The following EMCN variants were observed in gnomAD, a reference collection of about 807,000 sequenced individuals.
EMCN encodes MUC-14.
Under a neutral mutation model 38.4 loss-of-function variants are expected in EMCN, and 37 were observed. The observed-to-expected ratio is 0.96, with a 90% CI of 0.74 to 1.27. The LOEUF (loss-of-function observed/expected upper bound fraction) is 1.27, where lower values mean the gene tolerates loss of function less well. EMCN is among the 50% of genes most tolerant of loss of function. The pLI is 0.00. For missense variants in EMCN, 318 were observed against 302.8 expected (o/e 1.05, Z -0.37); for synonymous variants, 95 against 100.8 (o/e 0.94, Z 0.35).
At chr4:100,465,379 G>T (rs1728286800) in intron 4 of EMCN, 44 bp downstream of exon 4, 1 of 1,116,270 alleles carries the variant, frequency 9.0e-7, no homozygotes, top group Non-Finnish European at 1.3e-6. Context: ...CTAGTTTTAT[G>T]CAACACACTA....
intron 4 of EMCN, among the ~76,000 whole-genome samples, chr4:100,448,172 G>A (rs1727732182): frequency 6.6e-6 from 1 of 152,032 alleles, no homozygotes; most frequent in Admixed American, 6.6e-5. Context: ...ATATAGTCCA[G>A]GAGAGCTTTC....
chr4:100,425,592 C>A (rs1389850427), intron 5 of EMCN, among the ~76,000 whole-genome samples: 1 of 151,938 alleles, frequency 6.6e-6, no homozygotes, highest in African/African-American at 2.4e-5. Flanking sequence ...AGTTCTACAT[C>A]ATGGTATTGT....
intron 1 of EMCN, among the ~76,000 whole-genome samples, chr4:100,489,347 T>C (rs374058979): frequency 6.6e-6 from 1 of 152,206 alleles, no homozygotes; most frequent in Non-Finnish European, 1.5e-5. Flanking sequence ...TATGATCTTA[T>C]GGTAATTCTA....
At chr4:100,501,019 G>A (rs1729337336) in intron 1 of EMCN, among the ~76,000 whole-genome samples, 1 of 151,892 alleles carries the variant, frequency 6.6e-6, no homozygotes, top group South Asian at 2.1e-4. Context: ...TTTTGTGGCT[G>A]TATTTTCAAT....
intron 1 of EMCN, among the ~76,000 whole-genome samples, chr4:100,510,998 C>T (rs1197882144): frequency 6.6e-6 from 1 of 152,166 alleles, no homozygotes; most frequent in Non-Finnish European, 1.5e-5. Flanking sequence ...ATTAAGAAAA[C>T]ATTATTGCTA....
chr4:100,511,303 A>T, intron 1 of EMCN, among the ~76,000 whole-genome samples: 1 of 152,168 alleles, frequency 6.6e-6, no homozygotes, highest in South Asian at 2.1e-4. Flanking sequence ...GATGGAAGTA[A>T]TGTGTGTAAA....
intron 10 of EMCN, among the ~76,000 whole-genome samples, chr4:100,414,348 CTTTTTTT>C (rs5860622): frequency 1.0e-4 from 6 of 59,802 alleles, no homozygotes; most frequent in South Asian, 5.2e-4. Context: ...TGCTTGAGCA[CTTTTTTT>C]TTTTTTTTTT....
intron 1 of EMCN, among the ~76,000 whole-genome samples, chr4:100,481,681 A>G (rs1314338069): frequency 6.6e-6 from 1 of 152,100 alleles, no homozygotes; most frequent in Non-Finnish European, 1.5e-5. Flanking sequence ...CTATGATGTA[A>G]CACTAATTTT....
At chr4:100,405,924 G>C (rs532163832) in intron 11 of EMCN, among the ~76,000 whole-genome samples, 42 of 152,010 alleles carry the variant, frequency 2.8e-4, no homozygotes, top group African/African-American at 1.0e-3. Context: ...TCTGTTCAGG[G>C]TTTCAATTTA....
chr4:100,426,932 G>A (rs972238430), intron 5 of EMCN, among the ~76,000 whole-genome samples: 1 of 151,974 alleles, frequency 6.6e-6, no homozygotes, highest in Non-Finnish European at 1.5e-5. Flanking sequence ...GACTATCTAT[G>A]GGTTTACAAA....
intron 2 of EMCN, among the ~76,000 whole-genome samples, chr4:100,477,316 G>C (rs747273089): frequency 6.6e-6 from 1 of 152,030 alleles, no homozygotes; most frequent in Non-Finnish European, 1.5e-5. Flanking sequence ...TTTATGATAG[G>C]GATATTCAAC....
chr4:100,504,228 G>C (rs1362809776), intron 1 of EMCN, among the ~76,000 whole-genome samples: 1 of 152,156 alleles, frequency 6.6e-6, no homozygotes, highest in Non-Finnish European at 1.5e-5. Flanking sequence ...CTTACAGTTG[G>C]AAGGCATAAC....
intron 5 of EMCN, among the ~76,000 whole-genome samples, chr4:100,426,697 G>A (rs1020062694): frequency 3.9e-5 from 6 of 152,130 alleles, no homozygotes; most frequent in Non-Finnish European, 8.8e-5. Context: ...TGGAAGACTT[G>A]GGCACTGGTT....
chr4:100,423,195 G>T, intron 6 of EMCN, 115 bp from the exon 7 acceptor site: 1 of 1,329,232 alleles, frequency 7.5e-7, no homozygotes, highest in Non-Finnish European at 1.1e-6. Flanking sequence ...TGCTGCAAGT[G>T]CAAAAGATTC....
At chr4:100,407,706 G>C (rs919890593) in intron 11 of EMCN, among the ~76,000 whole-genome samples, 3 of 152,058 alleles carry the variant, frequency 2.0e-5, no homozygotes, top group African/African-American at 7.2e-5. Context: ...GTGTCTTGGG[G>C]ATGGTTGTAT....
intron 1 of EMCN, among the ~76,000 whole-genome samples, chr4:100,496,846 C>G (rs1729219604): frequency 6.6e-6 from 1 of 152,116 alleles, no homozygotes; most frequent in African/African-American, 2.4e-5. Flanking sequence ...AAGTTGTACC[C>G]TATTACACAA....
intron 11 of EMCN, among the ~76,000 whole-genome samples, chr4:100,409,407 C>T (rs1384917658): frequency 6.6e-6 from 1 of 152,124 alleles, no homozygotes; most frequent in Non-Finnish European, 1.5e-5. Flanking sequence ...AACTGGGAGA[C>T]TTAATTCCAA....
chr4:100,424,715 G>C (rs1726995233), intron 5 of EMCN, among the ~76,000 whole-genome samples: 1 of 152,050 alleles, frequency 6.6e-6, no homozygotes. Context: ...AATATTAAAT[G>C]AAAGAGTGGG....
intron 4 of EMCN, among the ~76,000 whole-genome samples, chr4:100,450,029 G>T (rs1727794389): frequency 6.6e-6 from 1 of 151,984 alleles, no homozygotes. Flanking sequence ...GAATGCTATG[G>T]AATATGGCTA....
Sources: gnomAD v4.1 joint callset for allele counts (sites outside exome capture counted in the v4.1 genomes callset) on GRCh38, gnomAD v4.1.1 for gene constraint, MANE v1.5 for transcripts, NCBI Gene and HGNC (gene_info 2026-07-23, HGNC 2026-07-21) for gene names.